SOBP: variants seen among roughly 807,000 people sequenced by gnomAD.
The protein encoded by SOBP is sine oculis binding protein homolog.
SOBP carries 4 observed loss-of-function variants against 53.6 expected under a neutral mutation model. The observed-to-expected ratio is 0.07, with a 90% CI of 0.04 to 0.17. The LOEUF is 0.17. SOBP is among the 10% of genes least tolerant of loss of function. The probability of loss-of-function intolerance (pLI) is 1.00; values close to 1 mark genes in which losing one functional copy is unlikely to be tolerated. For synonymous variants in SOBP, 584 were observed against 522.6 expected, an observed-to-expected ratio of 1.12 and a Z score of -1.60; for missense variants, 1,088 against 1,204.7, an observed-to-expected ratio of 0.90 and a Z score of 1.43.
chr6:107,506,259 C>A lies in SOBP; in HGVS notation c.253C>A (p.Pro85Thr). The A allele has an allele frequency of 6.2e-7, 1 of 1,614,066 alleles. No homozygotes were observed. The highest frequency in any genetic ancestry group is 8.5e-7 in the Non-Finnish European group (1 of 1,180,002). ...TTTTACAGAAAATTCTTTGCCAAAA[C>A]CAAAATTACCCGAGGACAGTGTTAT... is the stretch of plus-strand genomic sequence containing the variant. ...SVLKENSLPK[P>T]KLPEDSVISP... is the part of the protein sequence containing the mutation. The change falls in exon 3 of 7, where the codon CCA becomes ACA. Residue 85 changes from proline to threonine, a missense_variant. By Grantham distance (38) the Pro-to-Thr change is conservative (BLOSUM62 -1). Transcript: ENST00000317357.
At chr6:107,594,543 C>T (rs1055358551) in intron 5 of SOBP, among the ~76,000 whole-genome samples, 7 of 151,266 alleles carry the variant, frequency 4.6e-5, no homozygotes, top group African/African-American at 1.5e-4. Context: ...TTCTGCCTAA[C>T]CATTTAATAG....
In SOBP at chr6:107,503,703, A is replaced by G; in HGVS notation, c.143A>G (p.Tyr48Cys). The change falls in exon 2 of 7, where the codon TAT becomes TGT. Residue 48 changes from tyrosine to cysteine, a missense_variant. Tyr to Cys is a radical substitution (Grantham distance 194). Coordinates refer to ENST00000317357, the MANE Select transcript of SOBP (RefSeq NM_018013.4). The stretch of plus-strand genomic sequence containing the variant: ...AATGAACTCCTTGGCTGGTATGGCT[A>G]TGATAAGGTTGAATTAAAAGATGGT... The part of the protein sequence containing the change: ...TMNELLGWYG[Y>C]DKVELKDGED... 2 of 1,614,194 alleles carry G rather than the reference A, an allele frequency of 1.2e-6. No individual in the cohort carries two copies. The highest frequency in any genetic ancestry group is 1.7e-6 in the Non-Finnish European group (2 of 1,180,008).
chr6:107,596,419 A>T (rs1785950589), intron 5 of SOBP, among the ~76,000 whole-genome samples: 1 of 152,228 alleles, frequency 6.6e-6, no homozygotes, highest in Non-Finnish European at 1.5e-5. Flanking sequence ...TAGTTCAGGT[A>T]AAAATGAAAT....
rs117325257 is a variant in SOBP, at chr6:107,643,283, C to G, written c.*3+7814C>G. On this transcript the variant is annotated intron_variant, in intron 6 of 6. Coordinates refer to ENST00000317357, the MANE Select transcript of SOBP (RefSeq NM_018013.4). The stretch of plus-strand genomic sequence containing the variant: ...CAAAGCTCTGCATCCCATCAACAAG[C>G]TCTTTTGATATTTTAAACCCGTATT... Among the ~76,000 whole-genome samples, 1,229 of 152,252 alleles carry G rather than the reference C, an allele frequency of 8.1e-3. 19 individuals are homozygous for G. Among genetic ancestry groups the G allele is most frequent in the East Asian group, 0.054 (281 of 5,190 alleles).
In SOBP at chr6:107,635,241, C is replaced by A; in HGVS notation, c.2397C>A (p.Gly799=). ...KLMGEEALAG[G]DKSDPNLNNP... Reference sequence around the variant, plus strand: ...TGGGCGAGGAGGCCCTGGCGGGGGGCGACAAGTCAGACCCGAACCTTAATA... The same window carrying A: ...TGGGCGAGGAGGCCCTGGCGGGGGGAGACAAGTCAGACCCGAACCTTAATA... The change falls in exon 6 of 7, where the codon GGC becomes GGA. Residue 799 remains glycine, a synonymous_variant. Coordinates refer to ENST00000317357, the MANE Select transcript of SOBP (RefSeq NM_018013.4). This position sits in a 1 kb window ranked among gnomAD's most constrained non-coding sequence, Gnocchi z 4.5. 1.2e-6 allele frequency: 2 copies of A among 1,613,800 alleles called. No individual in the cohort carries two copies. The highest frequency in any genetic ancestry group is 1.7e-6 in the Non-Finnish European group (2 of 1,179,968).
chr6:107,607,521 T>C (rs1786429356), intron 5 of SOBP, among the ~76,000 whole-genome samples: 1 of 152,216 alleles, frequency 6.6e-6, no homozygotes, highest in Non-Finnish European at 1.5e-5. Context: ...AGAGTTTCTC[T>C]CCTACTTTTT....
chr6:107,589,582 T>C (rs1296759389), intron 5 of SOBP, among the ~76,000 whole-genome samples: 1 of 152,260 alleles, frequency 6.6e-6, no homozygotes, highest in African/African-American at 2.4e-5. Context: ...CTGTAGGGTA[T>C]TGATTTTTCC....
chr6:107,586,360 C>T (rs76705680), intron 4 of SOBP, among the ~76,000 whole-genome samples: 2,595 of 152,282 alleles, frequency 0.017, 69 homozygotes, highest in African/African-American at 0.057. Flanking sequence ...CCTTCTCTCC[C>T]ACTCCAAACC....
intron 6 of SOBP, among the ~76,000 whole-genome samples, chr6:107,637,427 A>G (rs76654068): frequency 0.018 from 2,782 of 152,362 alleles, 43 homozygotes; most frequent in Middle Eastern, 0.065. Context: ...AATACTAAAA[A>G]TGAGTTCACC....
intron 5 of SOBP, among the ~76,000 whole-genome samples, chr6:107,599,330 AC>A (rs1786065661): frequency 6.6e-6 from 1 of 152,206 alleles, no homozygotes; most frequent in African/African-American, 2.4e-5. Flanking sequence ...TTTGGACTCA[AC>A]TTTTTTAAGA....
In SOBP at chr6:107,632,098, T is replaced by A. The variant is rs187569866; in HGVS notation, c.670-1416T>A. Among the ~76,000 whole-genome samples, 250 of 152,336 alleles carry A rather than the reference T, an allele frequency of 1.6e-3. 1 individual carries two copies. The highest frequency in any genetic ancestry group is 2.2e-3 in the Non-Finnish European group (152 of 68,030). Reference sequence around the variant, plus strand: ...TATGTGACCAATCATTATTAAAATTTATCATCTTTTAATTATATCAGTTTA... The same window carrying A: ...TATGTGACCAATCATTATTAAAATTAATCATCTTTTAATTATATCAGTTTA... On this transcript the variant is annotated intron_variant, in intron 5 of 6. Coordinates refer to ENST00000317357, the MANE Select transcript of SOBP (RefSeq NM_018013.4).
chr6:107,637,517 A>C (rs951595580), intron 6 of SOBP, among the ~76,000 whole-genome samples: 4 of 152,226 alleles, frequency 2.6e-5, no homozygotes, highest in African/African-American at 9.6e-5. Context: ...ACCTCAATTG[A>C]AAATGCCCCT....
chr6:107,550,154 C>T (rs932055774), intron 4 of SOBP, among the ~76,000 whole-genome samples: 5 of 152,204 alleles, frequency 3.3e-5, no homozygotes, highest in African/African-American at 1.2e-4. Flanking sequence ...GACCCACACT[C>T]GGCTTGGACC....
At chr6:107,541,732 CATTTT>C (rs1382813987) in intron 4 of SOBP, among the ~76,000 whole-genome samples, 1 of 152,080 alleles carries the variant, frequency 6.6e-6, no homozygotes, top group Non-Finnish European at 1.5e-5. Flanking sequence ...ATATGGTGAG[CATTTT>C]TATGACTGCA....
chr6:107,642,543 G>T (rs180924877), intron 6 of SOBP, among the ~76,000 whole-genome samples: 1 of 152,330 alleles, frequency 6.6e-6, no homozygotes, highest in East Asian at 1.9e-4. Context: ...TGTACTGTGT[G>T]GTCCAGATGT....
intron 4 of SOBP, among the ~76,000 whole-genome samples, chr6:107,538,563 C>T (rs894921753): frequency 3.3e-5 from 5 of 152,188 alleles, no homozygotes; most frequent in African/African-American, 1.2e-4. Context: ...AGTGAGCCTC[C>T]TGAATCTGTC....
chr6:107,579,342 C>A (rs1785332070), intron 4 of SOBP, among the ~76,000 whole-genome samples: 1 of 152,080 alleles, frequency 6.6e-6, no homozygotes. Context: ...ACAATTCTTA[C>A]CAAACAAAGA....
chr6:107,587,185 A>T lies in SOBP; in HGVS notation c.669+10A>T. The T allele has an allele frequency of 8.8e-6, 14 of 1,599,076 alleles. No individual in the cohort carries two copies. Among genetic ancestry groups the T allele is most frequent in the Non-Finnish European group, 1.2e-5 (14 of 1,167,088 alleles). On this transcript the variant is annotated intron_variant, in intron 5 of 6. Transcript: ENST00000317357. ...TAACTGCGAACTACTTGTAAGAATA[A>T]CATACTTACAACAAGTCTAGAATGT...
At chr6:107,545,699 G>A (rs1784281447) in intron 4 of SOBP, among the ~76,000 whole-genome samples, 1 of 151,948 alleles carries the variant, frequency 6.6e-6, no homozygotes, top group African/African-American at 2.4e-5. Flanking sequence ...TATAAGGCTA[G>A]CTACACCTTT....
Sources: gnomAD v4.1 joint callset for allele counts (sites outside exome capture counted in the v4.1 genomes callset) on GRCh38, gnomAD v4.1.1 for gene constraint, Gnocchi (gnomAD v3.1) non-coding constraint, MANE v1.5 for transcripts, NCBI Gene and HGNC (gene_info 2026-07-23, HGNC 2026-07-21) for gene names.